Variants in DENND1A observed in about 807,000 individuals in gnomAD.
DENND1A encodes DENN domain-containing protein 1A.
DENND1A carries 51 observed loss-of-function variants against 113.7 expected under a neutral mutation model. The observed-to-expected ratio is 0.45, with a 90% CI of 0.36 to 0.57. DENND1A has a LOEUF of 0.57. Among genes scored for constraint, DENND1A ranks in the 20% least tolerant of loss-of-function variants. The probability of loss-of-function intolerance (pLI) is 0.00; values close to 1 mark genes in which losing one functional copy is unlikely to be tolerated. For synonymous variants in DENND1A, 565 were observed against 570.8 expected (o/e 0.99, Z 0.14); for missense variants, 1,258 against 1,395.9 (o/e 0.90, Z 1.57).
intron 2 of DENND1A, among the ~76,000 whole-genome samples, chr9:123,820,468 T>G (rs1445421037): frequency 6.6e-6 from 1 of 152,168 alleles, no homozygotes; most frequent in Non-Finnish European, 1.5e-5. Context: ...GTCCTACTGT[T>G]CCAGGCACCC....
chr9:123,742,849 C>T (rs1290631107), intron 5 of DENND1A, among the ~76,000 whole-genome samples: 6 of 152,146 alleles, frequency 3.9e-5, no homozygotes, highest in African/African-American at 1.4e-4. Context: ...AGGACAGATG[C>T]TAAATATCCC....
intron 1 of DENND1A, among the ~76,000 whole-genome samples, chr9:123,910,795 C>G (rs146015602): frequency 1.5e-4 from 23 of 152,242 alleles, no homozygotes; most frequent in Admixed American, 2.6e-4. Context: ...CAAGAATTAT[C>G]CAGGCGTGGT....
intron 6 of DENND1A, among the ~76,000 whole-genome samples, chr9:123,673,223 G>C (rs192807981): frequency 6.6e-6 from 1 of 152,302 alleles, no homozygotes; most frequent in Admixed American, 6.5e-5. Flanking sequence ...TAACCATTTT[G>C]TGGATTCACA....
At chr9:123,433,398 C>T (rs561489698) in intron 19 of DENND1A, among the ~76,000 whole-genome samples, 107 of 152,328 alleles carry the variant, frequency 7.0e-4, no homozygotes, top group Middle Eastern at 6.8e-3. Flanking sequence ...TGCTTTCTCT[C>T]TCTTCTCTAC....
chr9:123,424,553 T>C (rs2045566802), intron 19 of DENND1A, among the ~76,000 whole-genome samples: 1 of 152,192 alleles, frequency 6.6e-6, no homozygotes, highest in South Asian at 2.1e-4. Context: ...CCTTCCACAG[T>C]GGCCCAGCAT....
intron 19 of DENND1A, among the ~76,000 whole-genome samples, chr9:123,419,193 T>C (rs2045016136): frequency 6.6e-6 from 1 of 152,148 alleles, no homozygotes; most frequent in Non-Finnish European, 1.5e-5. Context: ...ATGCAAAGAT[T>C]GGGGTGGCTG....
chr9:123,412,070 G>A (rs867955155), intron 19 of DENND1A, among the ~76,000 whole-genome samples: 11 of 152,154 alleles, frequency 7.2e-5, no homozygotes, highest in South Asian at 2.1e-4. Flanking sequence ...TCCCAGCTCC[G>A]CCCTCCACCA....
At position 123,767,601 on chromosome 9, in the gene DENND1A, G is replaced by T. The variant is rs76435621; in HGVS notation, c.182+1913C>A. ...AATCACCCAGACAGGTAGGTAAGTAGAAGTGTGTGTATGGTATACATCTAA... is the reference window on the plus strand; with the variant it reads ...AATCACCCAGACAGGTAGGTAAGTATAAGTGTGTGTATGGTATACATCTAA... On this transcript the variant is annotated intron_variant, in intron 4 of 23. Transcript: ENST00000394215. 9.6e-3 allele frequency among the ~76,000 whole-genome samples: 1,468 copies of T among 152,284 alleles called. 26 individuals are homozygous for T. Among genetic ancestry groups the T allele is most frequent in the African/African-American group, 0.034 (1,405 of 41,564 alleles).
At chr9:123,455,618 G>T (rs1468507324) in intron 15 of DENND1A, among the ~76,000 whole-genome samples, 1 of 152,178 alleles carries the variant, frequency 6.6e-6, no homozygotes, top group East Asian at 1.9e-4. Context: ...TACTGTGAGG[G>T]GCACCAGAAC....
intron 11 of DENND1A, among the ~76,000 whole-genome samples, chr9:123,589,556 T>C (rs2059355113): frequency 7.1e-6 from 1 of 139,874 alleles, no homozygotes; most frequent in African/African-American, 2.7e-5. Flanking sequence ...CACCAACACA[T>C]TCCCTCTCTT....
At chr9:123,492,960 C>T (rs2051512336) in intron 13 of DENND1A, 1 of 152,246 alleles carries the variant, frequency 6.6e-6, no homozygotes, top group Non-Finnish European at 1.5e-5. Flanking sequence ...TCTGTGCTTA[C>T]CCATTGAGGC....
intron 13 of DENND1A, among the ~76,000 whole-genome samples, chr9:123,464,994 CAAAAAAAAAA>C (rs10655282): frequency 3.8e-4 from 27 of 70,560 alleles, no homozygotes; most frequent in African/African-American, 1.4e-3. Context: ...ACTAAAAATA[CAAAAAAAAAA>C]AAAAAAAAAA....
chr9:123,668,682 A>G (rs1324673438), intron 7 of DENND1A, among the ~76,000 whole-genome samples: 1 of 152,222 alleles, frequency 6.6e-6, no homozygotes, highest in Non-Finnish European at 1.5e-5. Context: ...AGGGGCTTGA[A>G]CAAATAAAAA....
intron 5 of DENND1A, among the ~76,000 whole-genome samples, chr9:123,695,211 T>C (rs2065434127): frequency 6.7e-6 from 1 of 150,124 alleles, no homozygotes; most frequent in African/African-American, 2.5e-5. Context: ...TAACTCTCCA[T>C]ATATATATAT....
At chr9:123,812,491 T>A (rs951590640) in intron 2 of DENND1A, among the ~76,000 whole-genome samples, 10 of 152,110 alleles carry the variant, frequency 6.6e-5, no homozygotes, top group Admixed American at 1.3e-4. Flanking sequence ...AAATGAGAAT[T>A]TCACTGCAAT....
intron 1 of DENND1A, among the ~76,000 whole-genome samples, chr9:123,916,545 G>T (rs200829745): frequency 6.6e-6 from 1 of 151,912 alleles, no homozygotes; most frequent in South Asian, 2.1e-4. Flanking sequence ...GCTTATTTTT[G>T]TATTTTTAGT....
intron 12 of DENND1A, among the ~76,000 whole-genome samples, chr9:123,563,726 T>C (rs2057893402): frequency 6.6e-6 from 1 of 152,182 alleles, no homozygotes; most frequent in South Asian, 2.1e-4. Context: ...CTAAAATTTT[T>C]AGTGGCTCCC....
chr9:123,497,794 G>T (rs2052065376), intron 13 of DENND1A, among the ~76,000 whole-genome samples: 1 of 137,086 alleles, frequency 7.3e-6, no homozygotes, highest in Non-Finnish European at 1.5e-5. Context: ...TATTTCCACA[G>T]TCCAATCTCT....
At chr9:123,618,610 C>G (rs2060778615) in intron 10 of DENND1A, among the ~76,000 whole-genome samples, 1 of 152,192 alleles carries the variant, frequency 6.6e-6, no homozygotes, top group African/African-American at 2.4e-5. Flanking sequence ...GAGGCAGATA[C>G]AGTAGCCAGG....
Sources: gnomAD v4.1 joint callset for allele counts (sites outside exome capture counted in the v4.1 genomes callset) on GRCh38, gnomAD v4.1.1 for gene constraint, MANE v1.5 for transcripts, NCBI Gene and HGNC (gene_info 2026-07-23, HGNC 2026-07-21) for gene names.